Variants in GRM5 observed in about 807,000 individuals in gnomAD.
GRM5 encodes metabotropic glutamate receptor 5.
Under a neutral mutation model 83.1 loss-of-function variants are expected in GRM5, and 19 were observed. That is an observed-to-expected ratio of 0.23 (90% CI 0.16 to 0.34). The LOEUF is 0.34. Ranked by LOEUF, GRM5 falls within the 10% of genes least tolerant of loss-of-function variation. GRM5 has a pLI of 1.00. For synonymous variants in GRM5, 675 were observed against 633.6 expected (o/e 1.07, Z -0.98); for missense variants, 1,160 against 1,588.3 (o/e 0.73, Z 4.58).
intron 2 of GRM5, among the ~76,000 whole-genome samples, chr11:88,994,415 C>T (rs893860099): frequency 6.8e-6 from 1 of 147,994 alleles, no homozygotes; most frequent in East Asian, 2.0e-4. Flanking sequence ...GACACAAAAA[C>T]CCATTATTAT....
At chr11:88,583,880 T>C (rs1320449681) in intron 7 of GRM5, among the ~76,000 whole-genome samples, 1 of 152,182 alleles carries the variant, frequency 6.6e-6, no homozygotes, top group Non-Finnish European at 1.5e-5. Context: ...TACATTTTTC[T>C]GAGAACTAAT....
At chr11:88,712,008 A>T (rs1941292504) in intron 3 of GRM5, among the ~76,000 whole-genome samples, 1 of 152,102 alleles carries the variant, frequency 6.6e-6, no homozygotes, top group African/African-American at 2.4e-5. Flanking sequence ...ATTACGCACA[A>T]GAGTTTTTTC....
At chr11:89,052,026 T>C (rs952959559) in intron 1 of GRM5, among the ~76,000 whole-genome samples, 5 of 152,222 alleles carry the variant, frequency 3.3e-5, no homozygotes, top group African/African-American at 1.2e-4. Context: ...TACTCCTAGC[T>C]TCTAGTTTGA....
intron 2 of GRM5, among the ~76,000 whole-genome samples, chr11:88,998,375 C>T (rs1940262875): frequency 6.6e-6 from 1 of 151,992 alleles, no homozygotes; most frequent in South Asian, 2.1e-4. Context: ...AACATAAATT[C>T]ATTGATTTAA....
At chr11:89,024,703 C>T (rs1373033802) in intron 2 of GRM5, among the ~76,000 whole-genome samples, 1 of 152,120 alleles carries the variant, frequency 6.6e-6, no homozygotes, top group Non-Finnish European at 1.5e-5. Flanking sequence ...CTTTCAATGA[C>T]ATATTTTCAA....
rs1043802719 is a variant in GRM5, at chr11:88,533,868, C to T, written c.2631-8464G>A. Among the ~76,000 whole-genome samples, 3 of 152,028 alleles carry T rather than the reference C, an allele frequency of 2.0e-5. No homozygotes were observed. The South Asian group carries it at 6.2e-4, about 32-fold the overall frequency. On this transcript the variant is annotated intron_variant, in intron 8 of 9. Transcript: ENST00000305447. ...GGTTTCGTGGGCCAGGCCTCGGGTC[C>T]CTGAGCTGTGTGCAGCCAGGGACTT... is the stretch of plus-strand genomic sequence containing the variant.
At chr11:88,646,374 A>C (rs1327466905) in intron 4 of GRM5, among the ~76,000 whole-genome samples, 4 of 67,020 alleles carry the variant, frequency 6.0e-5, no homozygotes, top group African/African-American at 1.0e-4. Flanking sequence ...ATTTAAGTAA[A>C]ACATACTGAA....
chr11:89,042,163 G>C (rs1264790097), intron 2 of GRM5, among the ~76,000 whole-genome samples: 1 of 152,100 alleles, frequency 6.6e-6, no homozygotes, highest in Non-Finnish European at 1.5e-5. Flanking sequence ...TCCTGTGAAG[G>C]CTAATTTTTA....
At chr11:88,516,251 TA>T (rs1331845054) in intron 9 of GRM5, among the ~76,000 whole-genome samples, 1 of 152,138 alleles carries the variant, frequency 6.6e-6, no homozygotes, top group African/African-American at 2.4e-5. Context: ...TTATGGAACT[TA>T]ACTAAGTCGA....
At chr11:88,862,197 T>C (rs574622701) in intron 2 of GRM5, among the ~76,000 whole-genome samples, 75 of 152,294 alleles carry the variant, frequency 4.9e-4, no homozygotes, top group African/African-American at 1.7e-3. Context: ...ATCTATTTGT[T>C]TGATTTATCA....
intron 2 of GRM5, among the ~76,000 whole-genome samples, chr11:89,043,033 G>A (rs763852345): frequency 5.9e-5 from 9 of 152,226 alleles, no homozygotes; most frequent in South Asian, 2.1e-4. Context: ...GAAGTGTAGC[G>A]TGAACAGGAT....
chr11:88,997,283 C>T (rs56763311), intron 2 of GRM5, among the ~76,000 whole-genome samples: 14,008 of 147,992 alleles, frequency 0.095, 2,162 homozygotes, highest in African/African-American at 0.33. Flanking sequence ...GCCAAGATTG[C>T]GCCACTGTAC....
At position 88,684,007 on chromosome 11, in the gene GRM5, C is replaced by T. The variant is rs181579084; in HGVS notation, c.912-30604G>A. 1.4e-4 allele frequency among the ~76,000 whole-genome samples: 21 copies of T among 152,202 alleles called. 1 individual carries two copies. Among genetic ancestry groups the T allele is most frequent in the African/African-American group, 2.9e-4 (12 of 41,520 alleles). On this transcript the variant is annotated intron_variant, in intron 3 of 9. Transcript: ENST00000305447. The stretch of plus-strand genomic sequence containing the variant: ...GTAAGGAAATTGCATTCTGAGATGG[C>T]GGCATTTGAACTAAGACCAAAAAAA...
chr11:88,987,913 A>C (rs1939791437), intron 2 of GRM5, among the ~76,000 whole-genome samples: 1 of 150,872 alleles, frequency 6.6e-6, no homozygotes, highest in South Asian at 2.1e-4. Flanking sequence ...ATGGGGAAAA[A>C]ACAGAACAGA....
intron 8 of GRM5, among the ~76,000 whole-genome samples, chr11:88,556,818 T>C (rs1942640098): frequency 6.6e-6 from 1 of 152,106 alleles, no homozygotes; most frequent in South Asian, 2.1e-4. Context: ...CCACACTACT[T>C]CTGTCAAATT....
intron 3 of GRM5, among the ~76,000 whole-genome samples, chr11:88,661,110 A>T (rs905434222): frequency 1.3e-5 from 2 of 152,198 alleles, no homozygotes; most frequent in African/African-American, 4.8e-5. Context: ...ATTGTATTAA[A>T]GATAGCTACA....
intron 8 of GRM5, among the ~76,000 whole-genome samples, chr11:88,527,840 A>G (rs1301746164): frequency 6.6e-6 from 1 of 152,136 alleles, no homozygotes; most frequent in Non-Finnish European, 1.5e-5. Flanking sequence ...GAGAAACAGA[A>G]AACCAAGTAC....
intron 4 of GRM5, among the ~76,000 whole-genome samples, chr11:88,650,274 A>G (rs775176388): frequency 6.6e-5 from 10 of 151,996 alleles, no homozygotes; most frequent in African/African-American, 7.2e-5. Flanking sequence ...AAAAAAGCCA[A>G]ACTTCTGTTT....
chr11:88,920,661 C>A (rs1209577310), intron 2 of GRM5, among the ~76,000 whole-genome samples: 2 of 152,210 alleles, frequency 1.3e-5, no homozygotes, highest in Admixed American at 1.3e-4. Flanking sequence ...CTCTGATAAA[C>A]ATAGAGGCAA....
Sources: allele counts gnomAD v4.1 joint callset (sites outside exome capture counted in the v4.1 genomes callset), GRCh38; gene constraint gnomAD v4.1.1; transcripts MANE v1.5; gene names NCBI Gene and HGNC (gene_info 2026-07-23, HGNC 2026-07-21).